Variants in TENM1 observed in about 807,000 individuals in gnomAD.
TENM1 encodes the protein teneurin transmembrane protein 1.
TENM1 carries 35 observed loss-of-function variants against 174.8 expected under a neutral mutation model. The ratio of observed to expected loss-of-function variants is 0.20; its 90% CI spans 0.15 to 0.27. The LOEUF (loss-of-function observed/expected upper bound fraction) is 0.27, where lower values mean the gene tolerates loss of function less well. TENM1 is among the 10% of genes least tolerant of loss of function. TENM1 has a pLI of 1.00. For synonymous variants in TENM1, 781 were observed against 798.7 expected, an observed-to-expected ratio of 0.98 and a Z score of 0.37; for missense variants, 1,633 against 2,130.1, an observed-to-expected ratio of 0.77 and a Z score of 4.59.
chrX:124,662,455 G>GAAA (rs1224806453), intron 6 of TENM1, among the ~76,000 whole-genome samples: 2 of 31,003 alleles, frequency 6.5e-5, no homozygotes, highest in African/African-American at 1.7e-4. Context: ...CTTCATCTCA[G>GAAA]AAAAAAAAAA....
chrX:125,094,505 G>C, the TENM1 span, among the ~76,000 whole-genome samples: 2 of 111,977 alleles, frequency 1.8e-5, no homozygotes, highest in Admixed American at 9.5e-5. Flanking sequence ...AAATTCAGGC[G>C]AGTTAAGTAT....
intron 28 of TENM1, among the ~76,000 whole-genome samples, 169 bp downstream of exon 31, chrX:124,391,883 A>G (rs2060285717): frequency 8.9e-6 from 1 of 111,912 alleles, no homozygotes; most frequent in Non-Finnish European, 1.9e-5. Context: ...TTTCAGCTGA[A>G]AAACAGTTTA....
chrX:124,477,060 G>A (rs1235761888), intron 22 of TENM1, among the ~76,000 whole-genome samples: 2 of 112,321 alleles, frequency 1.8e-5, no homozygotes, highest in Admixed American at 1.9e-4. Flanking sequence ...GTACCCAGAG[G>A]CTATCACATG....
At chrX:125,108,096 C>T in the TENM1 span, among the ~76,000 whole-genome samples, 2 of 112,165 alleles carry the variant, frequency 1.8e-5, no homozygotes, top group Admixed American at 1.9e-4. Flanking sequence ...GAGATTATGA[C>T]ATCTCGCAAA....
intron 3 of TENM1, among the ~76,000 whole-genome samples, chrX:124,781,361 T>C (rs914128527): frequency 1.8e-5 from 2 of 111,673 alleles, no homozygotes; most frequent in African/African-American, 6.5e-5. Context: ...ATTCAGTTTG[T>C]GTTGAATTAA....
chrX:125,114,619 A>C, the TENM1 span, among the ~76,000 whole-genome samples: 17 of 101,455 alleles, frequency 1.7e-4, no homozygotes, highest in East Asian at 2.8e-4. Flanking sequence ...CTTCTACACA[A>C]AAAAAAACTA....
the TENM1 span, among the ~76,000 whole-genome samples, chrX:125,002,364 T>C: frequency 1.8e-5 from 2 of 111,359 alleles, no homozygotes; most frequent in African/African-American, 6.5e-5. Flanking sequence ...CCAAACTCGG[T>C]AAATTTCTTT....
the TENM1 span, among the ~76,000 whole-genome samples, chrX:125,171,534 T>C: frequency 9.1e-6 from 1 of 110,220 alleles, no homozygotes; most frequent in Admixed American, 9.8e-5. Flanking sequence ...CAGGAGGTGA[T>C]TAGGTGATGA....
Position 124,807,916 on chromosome X carries a change from C to CAA in TENM1, c.536-70720_536-70719insTT, listed in dbSNP as rs1556342320. Among the ~76,000 whole-genome samples, 775 of 106,896 alleles carry CAA rather than the reference C, an allele frequency of 7.3e-3. 6 individuals are homozygous for CAA. Among genetic ancestry groups the CAA allele is most frequent in the African/African-American group, 0.025 (719 of 28,851 alleles). The allele number at this position is 106,896 out of a possible 115,157, so 92.8% of individuals were successfully genotyped here. A position where few individuals can be genotyped will look rare whatever the true frequency, so the allele number is the denominator to read the frequency against. Reference sequence around the variant, plus strand: ...ACACACACACACACACACACACACACACAGAGGAAGGAAGGTACCAAAGAA... The same window carrying CAA: ...ACACACACACACACACACACACACACAAACAGAGGAAGGAAGGTACCAAAGAA... On this transcript the variant is annotated intron_variant, in intron 3 of 31. Coordinates refer to ENST00000422452, the Ensembl canonical transcript of TENM1.
At chrX:124,471,351 TTATAA>T (rs1264832590) in intron 22 of TENM1, among the ~76,000 whole-genome samples, 1 of 10,104 alleles carries the variant, frequency 9.9e-5, no homozygotes, top group Non-Finnish European at 1.8e-4. Flanking sequence ...ATAATATATA[TTATAA>T]TATATAGTAC....
chrX:124,548,887 A>C (rs929632918), intron 14 of TENM1, among the ~76,000 whole-genome samples: 5 of 111,688 alleles, frequency 4.5e-5, no homozygotes, highest in Non-Finnish European at 3.8e-5. Context: ...TTTTCCCCAC[A>C]TGTGGTCCTT....
At chrX:125,114,934 CA>C in the TENM1 span, among the ~76,000 whole-genome samples, 1 of 111,140 alleles carries the variant, frequency 9.0e-6, no homozygotes, top group African/African-American at 3.3e-5. Context: ...AGAGACACAA[CA>C]AAAAAAGAAA....
intron 3 of TENM1, among the ~76,000 whole-genome samples, chrX:124,803,039 G>T (rs1235861395): frequency 1.8e-5 from 2 of 111,517 alleles, no homozygotes; most frequent in Non-Finnish European, 3.8e-5. Context: ...TTATAACAAA[G>T]CCCAGTTCAT....
chrX:124,507,890 G>C (rs1038552590), intron 18 of TENM1, among the ~76,000 whole-genome samples: 1 of 112,098 alleles, frequency 8.9e-6, no homozygotes, highest in African/African-American at 3.2e-5. Context: ...TCGTCTGATA[G>C]TCAATGTGAG....
chrX:124,895,921 C>G lies in TENM1; in HGVS notation c.478+60G>C, dbSNP rs2057554495. 5 of 1,166,326 alleles carry G rather than the reference C, an allele frequency of 4.3e-6. No individual in the cohort carries two copies. In the East Asian group the frequency reaches 1.5e-4, roughly 35 times the overall value. On this transcript the variant is annotated intron_variant, in intron 2 of 31. Transcript: ENST00000422452. ...GCAGATATAGGGAAGGAGAACAAAG[C>G]AAAGGCTAAAAACTGCATTCTTTCT...
chrX:125,009,360 C>G, the TENM1 span, among the ~76,000 whole-genome samples: 50 of 111,439 alleles, frequency 4.5e-4, 1 homozygote, highest in South Asian at 0.018. Flanking sequence ...CTGAATAGAC[C>G]AATATCAAGT....
the TENM1 span, among the ~76,000 whole-genome samples, chrX:125,056,755 T>C: frequency 8.9e-6 from 1 of 112,076 alleles, no homozygotes. Context: ...GTCACCCTTG[T>C]AATACCAAAA....
At chrX:124,665,060 G>A (rs756174425) in intron 6 of TENM1, among the ~76,000 whole-genome samples, 12 of 111,794 alleles carry the variant, frequency 1.1e-4, no homozygotes, top group Non-Finnish European at 2.3e-4. Context: ...TAACACGGCT[G>A]GGCGTGGTGG....
intron 25 of TENM1, among the ~76,000 whole-genome samples, chrX:124,407,198 G>T (rs1309061435): frequency 1.1e-5 from 1 of 91,762 alleles, no homozygotes; most frequent in African/African-American, 4.2e-5. Context: ...TAGAAATATA[G>T]TCTAGGGAGT....
Sources: allele counts gnomAD v4.1 joint callset (sites outside exome capture counted in the v4.1 genomes callset), GRCh38; gene constraint gnomAD v4.1.1; transcripts MANE v1.5; gene names NCBI Gene and HGNC (gene_info 2026-07-23, HGNC 2026-07-21).